ROBO1: variants seen among roughly 807,000 people sequenced by gnomAD.
ROBO1 encodes roundabout guidance receptor 1, also known as roundabout homolog 1.
A neutral mutation model predicts 195.9 loss-of-function variants in ROBO1; 149 were observed. The observed-to-expected ratio is 0.76, with a 90% CI of 0.67 to 0.87. The LOEUF (loss-of-function observed/expected upper bound fraction) is 0.87, where lower values mean the gene tolerates loss of function less well. ROBO1 is among the 40% of genes least tolerant of loss of function. The probability of loss-of-function intolerance (pLI) is 0.00; values close to 1 mark genes in which losing one functional copy is unlikely to be tolerated. For synonymous variants in ROBO1, 816 were observed against 733.2 expected, an observed-to-expected ratio of 1.11 and a Z score of -1.82; for missense variants, 1,933 against 2,068.3, an observed-to-expected ratio of 0.93 and a Z score of 1.27.
chr3:79,214,031 G>A (rs1298437560), intron 2 of ROBO1, among the ~76,000 whole-genome samples: 1 of 151,722 alleles, frequency 6.6e-6, no homozygotes, highest in Non-Finnish European at 1.5e-5. Flanking sequence ...TCACCATGTT[G>A]GCCTGGCTGG....
chr3:78,646,016 G>A (rs1161390975), intron 21 of ROBO1, 132 bp downstream of exon 21: 1 of 757,144 alleles, frequency 1.3e-6, no homozygotes, highest in African/African-American at 1.8e-5. Flanking sequence ...GCTGAATGGA[G>A]TCTTCGTCAA....
chr3:78,633,046 C>T (rs988487611), intron 24 of ROBO1, among the ~76,000 whole-genome samples: 4 of 152,144 alleles, frequency 2.6e-5, no homozygotes, highest in East Asian at 1.9e-4. Context: ...GCCAGACCAG[C>T]GTGTTAGTTA....
intron 3 of ROBO1, among the ~76,000 whole-genome samples, chr3:79,035,345 G>A (rs1255107907): frequency 1.3e-5 from 2 of 152,034 alleles, no homozygotes; most frequent in Admixed American, 6.6e-5. Flanking sequence ...TCACTTTTAC[G>A]GATCTAACTT....
intron 4 of ROBO1, among the ~76,000 whole-genome samples, chr3:78,800,942 C>G (rs983476722): frequency 6.6e-6 from 1 of 152,058 alleles, no homozygotes; most frequent in Non-Finnish European, 1.5e-5. Flanking sequence ...AAATAGTTCA[C>G]CAATAGGATA....
chr3:79,433,674 C>A (rs895720210), intron 2 of ROBO1, among the ~76,000 whole-genome samples: 1 of 152,178 alleles, frequency 6.6e-6, no homozygotes, highest in Non-Finnish European at 1.5e-5. Context: ...CTACCAATGA[C>A]TTTCTTCACA....
chr3:78,914,746 C>T (rs1436064227), intron 4 of ROBO1, among the ~76,000 whole-genome samples: 2 of 137,224 alleles, frequency 1.5e-5, no homozygotes, highest in Non-Finnish European at 1.6e-5. Flanking sequence ...ACCATGTATA[C>T]ATTTTATAAA....
At chr3:78,962,983 T>C (rs561969484) in intron 3 of ROBO1, among the ~76,000 whole-genome samples, 19 of 152,080 alleles carry the variant, frequency 1.2e-4, no homozygotes, top group African/African-American at 4.1e-4. Context: ...CAGACATTAA[T>C]ATTCTTAAGA....
chr3:78,961,923 C>G (rs1450006876), intron 3 of ROBO1, among the ~76,000 whole-genome samples: 1 of 151,422 alleles, frequency 6.6e-6, no homozygotes, highest in African/African-American at 2.4e-5. Flanking sequence ...TCTTCTAGGC[C>G]CATGTTTTTT....
intron 3 of ROBO1, among the ~76,000 whole-genome samples, chr3:78,996,001 G>A (rs72910246): frequency 0.028 from 4,241 of 152,118 alleles, 196 homozygotes; most frequent in African/African-American, 0.096. Flanking sequence ...AGCTCCAAAT[G>A]AAAGATTCCA....
At chr3:79,049,666 C>G (rs1214038257) in intron 3 of ROBO1, among the ~76,000 whole-genome samples, 1 of 152,096 alleles carries the variant, frequency 6.6e-6, no homozygotes, top group Non-Finnish European at 1.5e-5. Flanking sequence ...AGGTTACCCA[C>G]AAAGGGAATC....
At chr3:79,426,732 T>G (rs533329221) in intron 2 of ROBO1, among the ~76,000 whole-genome samples, 1 of 152,076 alleles carries the variant, frequency 6.6e-6, no homozygotes, top group Non-Finnish European at 1.5e-5. Flanking sequence ...AGTTTCACTG[T>G]TTTTTTTCTT....
At chr3:78,957,134 T>G (rs973112658) in intron 3 of ROBO1, among the ~76,000 whole-genome samples, 2 of 152,168 alleles carry the variant, frequency 1.3e-5, no homozygotes, top group Non-Finnish European at 2.9e-5. Context: ...TAATAAAATC[T>G]TTTATTTTAG....
intron 21 of ROBO1, among the ~76,000 whole-genome samples, chr3:78,642,155 T>A (rs1294470811): frequency 6.6e-6 from 1 of 152,176 alleles, no homozygotes; most frequent in East Asian, 1.9e-4. Context: ...TTAACATGTT[T>A]CTTAAATATT....
intron 2 of ROBO1, among the ~76,000 whole-genome samples, chr3:79,568,493 A>C (rs908919643): frequency 2.0e-5 from 3 of 151,436 alleles, no homozygotes; most frequent in African/African-American, 4.8e-5. Context: ...AAAAAAAAAA[A>C]AACAGATTGA....
chr3:79,055,554 T>C (rs2078789342), intron 3 of ROBO1, among the ~76,000 whole-genome samples: 1 of 152,042 alleles, frequency 6.6e-6, no homozygotes, highest in Non-Finnish European at 1.5e-5. Context: ...GTCAAAAAGG[T>C]ACAATTCAGC....
At chr3:79,487,455 T>C (rs887641057) in intron 2 of ROBO1, among the ~76,000 whole-genome samples, 5 of 152,148 alleles carry the variant, frequency 3.3e-5, no homozygotes, top group African/African-American at 1.2e-4. Flanking sequence ...GACCTCATGA[T>C]TCACCTGCCT....
Position 78,677,534 on chromosome 3 carries a change from A to C in ROBO1, c.1343-7233T>G, listed in dbSNP as rs544795751. ...GCAGGGGTTGCAATCCTAGTCTCTG[A>C]TAAAACAGACTTTAAACCAACAAAG... On this transcript the variant is annotated intron_variant, in intron 10 of 30. Coordinates refer to ENST00000464233, the MANE Select transcript of ROBO1 (RefSeq NM_002941.4). Among the ~76,000 whole-genome samples, 7 of 152,092 alleles carry C rather than the reference A, an allele frequency of 4.6e-5. No individual in the cohort carries two copies. The East Asian group carries it at 1.4e-3, about 29-fold the overall frequency.
chr3:79,386,003 T>TAC (rs2036728516), intron 2 of ROBO1, among the ~76,000 whole-genome samples: 1 of 152,122 alleles, frequency 6.6e-6, no homozygotes, highest in South Asian at 2.1e-4. Context: ...TTGATAATTT[T>TAC]GGGAAAATAA....
At position 78,743,020 on chromosome 3, in the gene ROBO1, A is replaced by G. The variant is rs115765431; in HGVS notation, c.657+3723T>C. ...AGAATTTTTAAAAATCAAATTTATT[A>G]TAGTGATTTTAAATGGTGAATGTCA... is the stretch of plus-strand genomic sequence containing the variant. On this transcript the variant is annotated intron_variant, in intron 5 of 30. Coordinates refer to ENST00000464233, the MANE Select transcript of ROBO1 (RefSeq NM_002941.4). 7.0e-3 allele frequency among the ~76,000 whole-genome samples: 1,070 copies of G among 152,320 alleles called. 19 individuals are homozygous for G. The highest frequency in any genetic ancestry group is 0.022 in the African/African-American group (916 of 41,572).
Sources: allele counts gnomAD v4.1 joint callset (sites outside exome capture counted in the v4.1 genomes callset), GRCh38; gene constraint gnomAD v4.1.1; transcripts MANE v1.5; gene names NCBI Gene and HGNC (gene_info 2026-07-23, HGNC 2026-07-21).